KLHL24: variants seen among roughly 807,000 people sequenced by gnomAD.
The protein encoded by KLHL24 is kelch like family member 24.
Under a neutral mutation model 53.4 loss-of-function variants are expected in KLHL24, and 29 were observed. The observed-to-expected ratio is 0.54, with a 90% CI of 0.40 to 0.74. The LOEUF (loss-of-function observed/expected upper bound fraction) is 0.74, where lower values mean the gene tolerates loss of function less well. Among genes scored for constraint, KLHL24 ranks in the 30% least tolerant of loss-of-function variants. The probability of loss-of-function intolerance (pLI) is 0.00; values close to 1 mark genes in which losing one functional copy is unlikely to be tolerated. For synonymous variants in KLHL24, 222 were observed against 253.7 expected (o/e 0.88, Z 1.19); for missense variants, 504 against 744.0 (o/e 0.68, Z 3.75).
intron 2 of KLHL24, among the ~76,000 whole-genome samples, chr3:183,643,826 T>C (rs1305515063): frequency 6.6e-6 from 1 of 152,200 alleles, no homozygotes; most frequent in Non-Finnish European, 1.5e-5. Context: ...AAGCTTTTCC[T>C]ACTTATTTTG....
intron 7 of KLHL24, among the ~76,000 whole-genome samples, chr3:183,674,245 TTCTTTC>T (rs531374356): frequency 4.5e-5 from 4 of 88,250 alleles, no homozygotes; most frequent in South Asian, 4.2e-4. Context: ...AGCATCAATT[TTCTTTC>T]TTTCTTTCTT....
At position 183,665,117 on chromosome 3, in the gene KLHL24, C is replaced by G. The variant is rs535680879; in HGVS notation, c.1224+78C>G. ...CCACAGCTGAATCTTTCATTTTACT[C>G]ACCCTCTGGGTATTTTGGATTCAAA... On this transcript the variant is annotated intron_variant, in intron 5 of 7. Coordinates refer to ENST00000242810, the MANE Select transcript of KLHL24 (RefSeq NM_017644.3). 8 of 762,548 alleles carry G rather than the reference C, an allele frequency of 1.0e-5. No homozygotes were observed. The East Asian group carries it at 2.0e-4, about 19-fold the overall frequency. The allele number at this position is 762,548 out of a possible 1,614,324, so 47.2% of individuals were successfully genotyped here.
At chr3:183,674,754 TATTGCCTGACCTTC>T (rs1711554959) in intron 7 of KLHL24, among the ~76,000 whole-genome samples, 1 of 152,252 alleles carries the variant, frequency 6.6e-6, no homozygotes, top group Non-Finnish European at 1.5e-5. Flanking sequence ...CTAGACCTTC[TATTGCCTGACCTTC>T]ATTTGACCTT....
At chr3:183,640,593 C>T (rs1293159405) in intron 1 of KLHL24, among the ~76,000 whole-genome samples, 2 of 144,820 alleles carry the variant, frequency 1.4e-5, no homozygotes, top group Non-Finnish European at 3.0e-5. Flanking sequence ...TTTCTTTTTT[C>T]TTTTTTCTTT....
chr3:183,656,073 G>T (rs1384229090), intron 3 of KLHL24, among the ~76,000 whole-genome samples: 21 of 116,532 alleles, frequency 1.8e-4, no homozygotes, highest in South Asian at 2.6e-4. Flanking sequence ...CTGAGACAGG[G>T]TCTCACTCTG....
chr3:183,650,205 T>C lies in KLHL24; in HGVS notation c.-61-91T>C. On this transcript the variant is annotated intron_variant, in intron 2 of 7. Transcript: ENST00000242810. This position sits in a 1 kb window ranked among gnomAD's most constrained non-coding sequence, Gnocchi z 4.5. ...ACCCTATATGAAATATATTATGTGA[T>C]TTTGTTGTAGTGTTTATATTAAAAT... The C allele has an allele frequency of 1.6e-6, 1 of 612,058 alleles. No individual in the cohort carries two copies. Among genetic ancestry groups the C allele is most frequent in the East Asian group, 2.8e-5 (1 of 35,940 alleles). The allele number at this position is 612,058 out of a possible 1,614,324, so 37.9% of individuals were successfully genotyped here.
chr3:183,639,952 G>T (rs1274066894), intron 1 of KLHL24, among the ~76,000 whole-genome samples: 1 of 152,118 alleles, frequency 6.6e-6, no homozygotes, highest in Non-Finnish European at 1.5e-5. Context: ...TTGAACCCGG[G>T]AGGTGGGGGT....
At chr3:183,668,719 A>C (rs1367466622) in intron 5 of KLHL24, among the ~76,000 whole-genome samples, 3 of 152,148 alleles carry the variant, frequency 2.0e-5, no homozygotes, top group African/African-American at 7.2e-5. Flanking sequence ...AGCCTGGCCA[A>C]CATGGTGAAA....
At chr3:183,648,323 T>C in intron 2 of KLHL24, among the ~76,000 whole-genome samples, 1 of 152,204 alleles carries the variant, frequency 6.6e-6, no homozygotes, top group East Asian at 1.9e-4. Flanking sequence ...GTTACGTATT[T>C]TATTTCCCTT....
chr3:183,640,860 A>G (rs1471815432), intron 1 of KLHL24, among the ~76,000 whole-genome samples: 1 of 151,648 alleles, frequency 6.6e-6, no homozygotes, highest in Non-Finnish European at 1.5e-5. Context: ...TCAGCCTCTC[A>G]AAGTGCTGGG....
At position 183,637,907 on chromosome 3, in the gene KLHL24, C is replaced by T. The variant is rs527539321; in HGVS notation, c.-125+2114C>T. Among the ~76,000 whole-genome samples the T allele has an allele frequency of 2.3e-3, 348 of 152,348 alleles. 3 individuals are homozygous for T. Among genetic ancestry groups the T allele is most frequent in the Non-Finnish European group, 4.2e-3 (285 of 68,030 alleles). On this transcript the variant is annotated intron_variant, in intron 1 of 7. Coordinates refer to ENST00000242810, the MANE Select transcript of KLHL24 (RefSeq NM_017644.3). ...CTCCTGACCTCAGGTGATCCGCCCG[C>T]CTCAGCCTCCCAAAGTGCTGGGATT...
intron 5 of KLHL24, among the ~76,000 whole-genome samples, chr3:183,669,730 G>A (rs772415116): frequency 6.6e-6 from 1 of 152,178 alleles, no homozygotes; most frequent in Non-Finnish European, 1.5e-5. Flanking sequence ...AAGAGGAACT[G>A]ATAAAGTATT....
intron 3 of KLHL24, among the ~76,000 whole-genome samples, chr3:183,653,992 A>G (rs972040090): frequency 2.0e-5 from 3 of 152,112 alleles, no homozygotes; most frequent in Admixed American, 1.3e-4. Context: ...AGAAACTCCA[A>G]ACTTCTTTGA....
chr3:183,672,154 A>G (rs1721414291), intron 6 of KLHL24, 142 bp from the exon 7 acceptor site: 2 of 446,306 alleles, frequency 4.5e-6, no homozygotes, highest in Non-Finnish European at 7.7e-6. Flanking sequence ...CAGACATTTC[A>G]CTATCAGGCT....
chr3:183,684,435 A>AT lies in KLHL24; in HGVS notation c.*5155dup, dbSNP rs1412536836. On this transcript the variant is annotated 3_prime_UTR_variant, in exon 8 of 8. Transcript: ENST00000242810. ...TTAAATATACTTCTTGCATAGTTTA[A>AT]TTTTTTAAAAGTTGTATCTAATAAA... 4 of 152,626 alleles carry AT rather than the reference A, an allele frequency of 2.6e-5. No individual in the cohort carries two copies. Among genetic ancestry groups the AT allele is most frequent in the Admixed American group, 1.3e-4 (2 of 15,274 alleles). 9.5% of individuals were successfully genotyped at this position (152,626 alleles called of 1,614,324 possible).
intron 1 of KLHL24, among the ~76,000 whole-genome samples, chr3:183,641,570 G>A (rs1203736235): frequency 1.5e-5 from 2 of 131,546 alleles, no homozygotes; most frequent in Non-Finnish European, 3.2e-5. Flanking sequence ...AAACCTCTTG[G>A]TTAACCTTTC....
In KLHL24 at chr3:183,680,913, G is replaced by C. The variant is rs779136120; in HGVS notation, c.*1627G>C. The C allele has an allele frequency of 1.3e-5, 2 of 151,976 alleles. No individual in the cohort carries two copies. Among genetic ancestry groups the C allele is most frequent in the Non-Finnish European group, 2.9e-5 (2 of 67,978 alleles). 9.4% of individuals were successfully genotyped at this position (151,976 alleles called of 1,614,324 possible). On this transcript the variant is annotated 3_prime_UTR_variant, in exon 8 of 8. Coordinates refer to ENST00000242810, the MANE Select transcript of KLHL24 (RefSeq NM_017644.3). ...GTCACCAGATTTCTGTTAAAACCAA[G>C]GTTGAAATAAAAAGCCTAACATTGG...
intron 5 of KLHL24, among the ~76,000 whole-genome samples, chr3:183,665,700 A>G (rs925916034): frequency 1.3e-5 from 2 of 152,182 alleles, no homozygotes; most frequent in Admixed American, 1.3e-4. Context: ...CAGTGAGCCA[A>G]GATCGCACCA....
intron 3 of KLHL24, among the ~76,000 whole-genome samples, chr3:183,652,105 T>C (rs1718203686): frequency 6.6e-6 from 1 of 152,198 alleles, no homozygotes; most frequent in Non-Finnish European, 1.5e-5. Flanking sequence ...GTCACAGTTA[T>C]TATATTTAAT....
Sources: gnomAD v4.1 joint callset for allele counts (sites outside exome capture counted in the v4.1 genomes callset) on GRCh38, gnomAD v4.1.1 for gene constraint, Gnocchi (gnomAD v3.1) non-coding constraint, MANE v1.5 for transcripts, NCBI Gene and HGNC (gene_info 2026-07-23, HGNC 2026-07-21) for gene names.